PTPRK: variants seen among roughly 807,000 people sequenced by gnomAD.
PTPRK encodes the protein receptor-type tyrosine-protein phosphatase kappa.
A neutral mutation model predicts 178.0 loss-of-function variants in PTPRK; 75 were observed. The ratio of observed to expected loss-of-function variants is 0.42; its 90% confidence interval spans 0.35 to 0.51. PTPRK has a LOEUF of 0.51. Ranked by LOEUF, PTPRK falls within the 20% of genes least tolerant of loss-of-function variation. The pLI is 0.02. For missense variants in PTPRK, 1,441 were observed against 1,797.8 expected (o/e 0.80, Z 3.59); for synonymous variants, 637 against 620.6 (o/e 1.03, Z -0.39).
At chr6:128,079,895 G>A (rs1784507385) in intron 10 of PTPRK, among the ~76,000 whole-genome samples, 1 of 151,890 alleles carries the variant, frequency 6.6e-6, no homozygotes, top group South Asian at 2.1e-4. Flanking sequence ...TCACCTGGAG[G>A]GCTTTCTAAC....
intron 3 of PTPRK, among the ~76,000 whole-genome samples, chr6:128,299,381 C>G (rs1053550017): frequency 3.3e-5 from 5 of 151,846 alleles, no homozygotes; most frequent in African/African-American, 1.2e-4. Context: ...CTTTAAAGTT[C>G]ATATGGAATC....
intron 6 of PTPRK, among the ~76,000 whole-genome samples, chr6:128,208,067 C>A (rs1177986298): frequency 1.3e-5 from 2 of 151,950 alleles, no homozygotes; most frequent in African/African-American, 4.8e-5. Context: ...ATTCCAAACA[C>A]CCTGCTTTAC....
chr6:128,032,704 G>C (rs1030011425), intron 13 of PTPRK, among the ~76,000 whole-genome samples: 2 of 151,950 alleles, frequency 1.3e-5, no homozygotes, highest in African/African-American at 4.8e-5. Context: ...AGGCCTCCAG[G>C]GTTTTGTAGA....
At chr6:128,268,682 G>C (rs994425482) in intron 3 of PTPRK, among the ~76,000 whole-genome samples, 1 of 151,994 alleles carries the variant, frequency 6.6e-6, no homozygotes, top group Non-Finnish European at 1.5e-5. Context: ...CTCTAAAACA[G>C]AATGGCTCTA....
intron 15 of PTPRK, among the ~76,000 whole-genome samples, chr6:128,004,453 G>A (rs1161355226): frequency 6.6e-6 from 1 of 151,684 alleles, no homozygotes; most frequent in Non-Finnish European, 1.5e-5. Flanking sequence ...TAAAAGCCTT[G>A]CCTTCATAGA....
intron 5 of PTPRK, among the ~76,000 whole-genome samples, chr6:128,231,542 G>A (rs1341457813): frequency 6.6e-6 from 1 of 152,176 alleles, no homozygotes; most frequent in Non-Finnish European, 1.5e-5. Flanking sequence ...AAGGTTGAAG[G>A]CACCAACAGT....
intron 3 of PTPRK, among the ~76,000 whole-genome samples, chr6:128,315,110 C>T (rs72969059): frequency 0.081 from 12,287 of 152,118 alleles, 571 homozygotes; most frequent in African/African-American, 0.12. Context: ...GTAAGCCTTA[C>T]ATTACTAAAG....
intron 3 of PTPRK, among the ~76,000 whole-genome samples, chr6:128,307,160 A>AAAATAT (rs5879886): frequency 1.1e-4 from 15 of 142,382 alleles, no homozygotes; most frequent in Non-Finnish European, 2.0e-4. Flanking sequence ...AAGAAAAAAA[A>AAAATAT]ATATATATAT....
chr6:128,478,631 T>C (rs1325417655), intron 1 of PTPRK, among the ~76,000 whole-genome samples: 1 of 152,114 alleles, frequency 6.6e-6, no homozygotes, highest in African/African-American at 2.4e-5. Context: ...TTTCTGTTTG[T>C]TTTTTAGCAA....
chr6:128,340,919 G>A (rs1831577447), intron 2 of PTPRK: 1 of 256,838 alleles, frequency 3.9e-6, no homozygotes. Context: ...AGATTTAATA[G>A]TACATTCCAA....
At chr6:128,101,504 C>A (rs1369786551) in intron 7 of PTPRK, among the ~76,000 whole-genome samples, 1 of 152,020 alleles carries the variant, frequency 6.6e-6, no homozygotes, top group Non-Finnish European at 1.5e-5. Context: ...AATTCTATGT[C>A]TTTTTCTTTC....
intron 13 of PTPRK, among the ~76,000 whole-genome samples, chr6:128,045,201 T>C (rs1033741539): frequency 6.6e-6 from 1 of 151,990 alleles, no homozygotes; most frequent in African/African-American, 2.4e-5. Flanking sequence ...ATACTTATAT[T>C]ACACACACAC....
At chr6:128,489,956 G>A (rs945709405) in intron 1 of PTPRK, among the ~76,000 whole-genome samples, 1 of 152,136 alleles carries the variant, frequency 6.6e-6, no homozygotes, top group African/African-American at 2.4e-5. Flanking sequence ...CTTCAGGTAT[G>A]CTGAAGCTTA....
intron 2 of PTPRK, among the ~76,000 whole-genome samples, chr6:128,325,565 A>G (rs1829439411): frequency 6.6e-6 from 1 of 152,230 alleles, no homozygotes; most frequent in Admixed American, 6.5e-5. Context: ...CAAACATAAA[A>G]AAAAAGGTCA....
At chr6:128,435,583 G>A (rs1339982076) in intron 1 of PTPRK, among the ~76,000 whole-genome samples, 1 of 152,170 alleles carries the variant, frequency 6.6e-6, no homozygotes, top group African/African-American at 2.4e-5. Flanking sequence ...GCTGATGAAA[G>A]GAGAAGGAAA....
At chr6:128,067,068 GC>G (rs1781910031) in intron 12 of PTPRK, among the ~76,000 whole-genome samples, 1 of 152,074 alleles carries the variant, frequency 6.6e-6, no homozygotes, top group Admixed American at 6.6e-5. Context: ...TTACTATTTG[GC>G]TTGAAAACCC....
chr6:128,136,392 T>C (rs1795019344), intron 7 of PTPRK, among the ~76,000 whole-genome samples: 1 of 152,130 alleles, frequency 6.6e-6, no homozygotes, highest in African/African-American at 2.4e-5. Context: ...CAAACACACA[T>C]CCCATCTAAA....
intron 6 of PTPRK, 135 bp from the exon 7 acceptor site, chr6:128,184,860 A>T: frequency 1.1e-6 from 1 of 923,020 alleles, no homozygotes; most frequent in Non-Finnish European, 1.6e-6. Context: ...GAAAACTAGA[A>T]GACGCATGAT....
intron 6 of PTPRK, among the ~76,000 whole-genome samples, chr6:128,187,440 T>G (rs1027449132): frequency 6.6e-6 from 1 of 152,150 alleles, no homozygotes; most frequent in African/African-American, 2.4e-5. Flanking sequence ...TATTTAACTT[T>G]TTCACATTAT....
Sources: allele counts gnomAD v4.1 joint callset (sites outside exome capture counted in the v4.1 genomes callset), GRCh38; gene constraint gnomAD v4.1.1; transcripts MANE v1.5; gene names NCBI Gene and HGNC (gene_info 2026-07-23, HGNC 2026-07-21).